The following LARGE1 variants were observed in gnomAD, a reference collection of about 807,000 sequenced individuals.
LARGE1 encodes the protein xylosyl- and glucuronyltransferase LARGE1.
LARGE1 carries 43 observed loss-of-function variants against 87.6 expected under a neutral mutation model. That is an observed-to-expected ratio of 0.49 (90% CI 0.38 to 0.63). The LOEUF is 0.63. Among genes scored for constraint, LARGE1 ranks in the 30% least tolerant of loss-of-function variants. The pLI, the probability that LARGE1 is intolerant of heterozygous loss-of-function variation, is 0.00. For synonymous variants in LARGE1, 434 were observed against 394.6 expected (o/e 1.10, Z -1.18); for missense variants, 802 against 1,000.2 (o/e 0.80, Z 2.67).
At chr22:33,312,242 G>T (rs1201662041) in intron 11 of LARGE1, among the ~76,000 whole-genome samples, 4 of 152,118 alleles carry the variant, frequency 2.6e-5, no homozygotes, top group African/African-American at 7.2e-5. Context: ...AAGAGATTGA[G>T]ACCATGCTGG....
chr22:33,846,216 T>C (rs2063425744), intron 1 of LARGE1, among the ~76,000 whole-genome samples: 1 of 152,244 alleles, frequency 6.6e-6, no homozygotes, highest in Non-Finnish European at 1.5e-5. Context: ...CAGAAGAATG[T>C]GGATTGTGAA....
chr22:33,707,493 G>A (rs1012533894), intron 2 of LARGE1, among the ~76,000 whole-genome samples: 3 of 152,224 alleles, frequency 2.0e-5, no homozygotes, highest in African/African-American at 4.8e-5. Context: ...CTATATTTCT[G>A]ATGCAAAACA....
chr22:33,599,989 G>C (rs1173794289), intron 5 of LARGE1, among the ~76,000 whole-genome samples: 1 of 152,154 alleles, frequency 6.6e-6, no homozygotes, highest in Non-Finnish European at 1.5e-5. Context: ...GTGGGCTGGT[G>C]CAAATGTTGC....
the LARGE1 span, among the ~76,000 whole-genome samples, chr22:33,154,848 CATGGGAGGAACCCA>C: frequency 6.6e-6 from 1 of 152,174 alleles, no homozygotes; most frequent in Non-Finnish European, 1.5e-5. Context: ...TCCCATGTGT[CATGGGAGGAACCCA>C]GTGGGAGGTA....
chr22:33,140,361 T>C, the LARGE1 span, among the ~76,000 whole-genome samples: 2 of 152,212 alleles, frequency 1.3e-5, no homozygotes, highest in African/African-American at 4.8e-5. Context: ...GTAGCTCAAG[T>C]GCTACAGTCT....
At chr22:33,311,024 G>A (rs142721205) in intron 11 of LARGE1, among the ~76,000 whole-genome samples, 11,456 of 151,294 alleles carry the variant, frequency 0.076, 505 homozygotes, top group African/African-American at 0.12. Context: ...GCAGTGGCAC[G>A]ATCTCAGCTC....
At chr22:33,711,087 G>C (rs1330847008) in intron 2 of LARGE1, among the ~76,000 whole-genome samples, 1 of 152,134 alleles carries the variant, frequency 6.6e-6, no homozygotes, top group South Asian at 2.1e-4. Context: ...TGTTATAGGA[G>C]CAGTTGTAGG....
rs34754283 is a variant in LARGE1, at chr22:33,712,637, AGTGTGTGTGTGTGT to A, written c.106+48720_106+48733del. Among the ~76,000 whole-genome samples, 407 of 134,738 alleles carry A rather than the reference AGTGTGTGTGTGTGT, an allele frequency of 3.0e-3. 1 individual carries two copies. Among genetic ancestry groups the A allele is most frequent in the Middle Eastern group, 7.6e-3 (2 of 262 alleles). 88.4% of individuals were successfully genotyped at this position (134,738 alleles called of 152,430 possible). On this transcript the variant is annotated intron_variant, in intron 2 of 14. Coordinates refer to ENST00000397394, the MANE Select transcript of LARGE1 (RefSeq NM_133642.5). ...ACAGAAATTGAGGGGTGAGGGGTAC[AGTGTGTGTGTGTGT>A]GTGTGTGTGTGTGTGTGTGTGTGTG...
intron 2 of LARGE1, among the ~76,000 whole-genome samples, chr22:33,674,693 C>T (rs1344710154): frequency 1.3e-5 from 2 of 152,126 alleles, no homozygotes; most frequent in Non-Finnish European, 2.9e-5. Flanking sequence ...CTACACACTC[C>T]CATTGGTCCT....
At chr22:33,759,028 A>G (rs1601545322) in intron 2 of LARGE1, among the ~76,000 whole-genome samples, 1 of 152,146 alleles carries the variant, frequency 6.6e-6, no homozygotes, top group African/African-American at 2.4e-5. Flanking sequence ...TCCTCTTTCT[A>G]CTGGGGTTGG....
intron 10 of LARGE1, among the ~76,000 whole-genome samples, chr22:33,324,173 A>G (rs138760214): frequency 0.046 from 6,494 of 141,272 alleles, 269 homozygotes; most frequent in African/African-American, 0.12. Flanking sequence ...AGGTTGCAGT[A>G]AGCTGAGATC....
At chr22:33,642,038 A>C (rs2080450621) in intron 3 of LARGE1, among the ~76,000 whole-genome samples, 1 of 152,168 alleles carries the variant, frequency 6.6e-6, no homozygotes, top group African/African-American at 2.4e-5. Context: ...AGAACACCAC[A>C]AAGATAGTCT....
intron 1 of LARGE1, among the ~76,000 whole-genome samples, chr22:33,823,157 T>C (rs1387300279): frequency 1.3e-5 from 2 of 152,200 alleles, no homozygotes; most frequent in Admixed American, 6.5e-5. Context: ...TAAAAAAGAA[T>C]AACAAGTCAT....
intron 11 of LARGE1, chr22:33,166,920 C>T (rs1339160200): frequency 1.7e-5 from 8 of 462,552 alleles, no homozygotes; most frequent in Non-Finnish European, 3.6e-5. Flanking sequence ...TAAGAGTAAC[C>T]ACACACTTCA....
At chr22:33,458,451 G>A (rs2068233744) in intron 6 of LARGE1, among the ~76,000 whole-genome samples, 1 of 147,790 alleles carries the variant, frequency 6.8e-6, no homozygotes, top group South Asian at 2.2e-4. Flanking sequence ...ATTTTTTTAA[G>A]ACAGAGTTTT....
intron 1 of LARGE1, among the ~76,000 whole-genome samples, chr22:33,794,120 C>T (rs2085907961): frequency 6.6e-6 from 1 of 152,112 alleles, no homozygotes; most frequent in African/African-American, 2.4e-5. Flanking sequence ...CTCACATATC[C>T]AGAAGCTTCC....
At chr22:33,250,256 CTAAG>C (rs1195614961) in intron 11 of LARGE1, among the ~76,000 whole-genome samples, 1 of 151,880 alleles carries the variant, frequency 6.6e-6, no homozygotes, top group African/African-American at 2.4e-5. Flanking sequence ...AGATTTTTAC[CTAAG>C]TATTTCATTT....
chr22:33,786,584 G>A (rs947922638), intron 1 of LARGE1, among the ~76,000 whole-genome samples: 2 of 152,136 alleles, frequency 1.3e-5, no homozygotes, highest in African/African-American at 2.4e-5. Flanking sequence ...GAGGGTCTCC[G>A]AGAATTCTCC....
chr22:33,674,336 T>C (rs1416374691), intron 2 of LARGE1, among the ~76,000 whole-genome samples: 2 of 152,152 alleles, frequency 1.3e-5, no homozygotes, highest in Non-Finnish European at 2.9e-5. Flanking sequence ...CTCACATAAA[T>C]AGAATCATAT....
Sources: allele counts gnomAD v4.1 joint callset (sites outside exome capture counted in the v4.1 genomes callset), GRCh38; gene constraint gnomAD v4.1.1; transcripts MANE v1.5; gene names NCBI Gene and HGNC (gene_info 2026-07-23, HGNC 2026-07-21).